SMAD7: variants seen among roughly 807,000 people sequenced by gnomAD.
SMAD7 encodes the protein SMAD family member 7.
A neutral mutation model predicts 38.7 loss-of-function variants in SMAD7; 8 were observed. The ratio of observed to expected loss-of-function variants is 0.21; its 90% CI spans 0.12 to 0.37. SMAD7 has a LOEUF of 0.37. Ranked by LOEUF, SMAD7 falls within the 10% of genes least tolerant of loss-of-function variation. The pLI is 1.00. For synonymous variants in SMAD7, 327 were observed against 265.1 expected (o/e 1.23, Z -2.27); for missense variants, 477 against 577.9 (o/e 0.83, Z 1.79).
rs541539525 is a variant in SMAD7 at position 48,950,496 on chromosome 18, G to T, written c.-72C>A. On this transcript the variant is annotated 5_prime_UTR_variant, in exon 1 of 4. Transcript: ENST00000262158. Reference sequence around the variant, plus strand: ...GAACATGACCTCCGCACACCATGAAGAAGTCGGGCGCCGAGTTGGGGCAGC... The same window carrying T: ...GAACATGACCTCCGCACACCATGAATAAGTCGGGCGCCGAGTTGGGGCAGC... The T allele has an allele frequency of 1.4e-6, 2 of 1,415,534 alleles. No homozygotes were observed. The highest frequency in any genetic ancestry group is 5.7e-5 in the Admixed American group (2 of 35,368). 87.7% of individuals were successfully genotyped at this position (1,415,534 alleles called of 1,614,324 possible).
In SMAD7 at chr18:48,921,979, G is replaced by C; in HGVS notation, c.743-69C>G. The stretch of plus-strand genomic sequence containing the variant: ...GGTGACTCCTAGAATGAAGACACCC[G>C]CCCCCCCACTGCACCCAGTCACCAG... On this transcript the variant is annotated intron_variant, in intron 3 of 3. Transcript: ENST00000262158. This position sits in a 1 kb window ranked among gnomAD's most constrained non-coding sequence, Gnocchi z 6.4. The C allele has an allele frequency of 8.2e-7, 1 of 1,212,796 alleles. No individual in the cohort carries two copies. The highest frequency in any genetic ancestry group is 1.1e-6 in the Non-Finnish European group (1 of 871,974). 75.1% of individuals were successfully genotyped at this position (1,212,796 alleles called of 1,614,324 possible).
intron 3 of SMAD7, among the ~76,000 whole-genome samples, chr18:48,931,921 T>TG (rs1172898448): frequency 6.6e-6 from 1 of 151,990 alleles, no homozygotes. Context: ...GGGGGGAAGG[T>TG]GGGGGGGCTT....
At chr18:48,923,348 C>A (rs72917751) in intron 3 of SMAD7, among the ~76,000 whole-genome samples, 2 of 152,088 alleles carry the variant, frequency 1.3e-5, no homozygotes, top group Non-Finnish European at 2.9e-5. Flanking sequence ...GGGTCCATGG[C>A]GGAAGATGGG....
chr18:48,929,355 G>A (rs956103520), intron 3 of SMAD7, among the ~76,000 whole-genome samples: 3 of 152,008 alleles, frequency 2.0e-5, no homozygotes, highest in Admixed American at 1.3e-4. Context: ...ACAAGGGCTG[G>A]GACAAGCATG....
intron 2 of SMAD7, among the ~76,000 whole-genome samples, chr18:48,944,710 G>A (rs1021833501): frequency 6.6e-6 from 1 of 152,120 alleles, no homozygotes; most frequent in African/African-American, 2.4e-5. Flanking sequence ...AAGGTTAAAG[G>A]AGCCATACCT....
chr18:48,938,145 G>A (rs530031191), intron 3 of SMAD7, among the ~76,000 whole-genome samples: 35 of 152,300 alleles, frequency 2.3e-4, no homozygotes, highest in South Asian at 8.3e-4. Flanking sequence ...TGAGCCAGGG[G>A]TGCATTTTCA....
chr18:48,941,931 G>A (rs997925447), intron 3 of SMAD7, among the ~76,000 whole-genome samples: 3 of 152,182 alleles, frequency 2.0e-5, no homozygotes, highest in Non-Finnish European at 2.9e-5. Context: ...ACTGTTGGCA[G>A]TGCTCCCACC....
At chr18:48,935,849 C>T (rs143535076) in intron 3 of SMAD7, among the ~76,000 whole-genome samples, 120 of 152,100 alleles carry the variant, frequency 7.9e-4, no homozygotes, top group African/African-American at 2.7e-3. Context: ...GAGGCTAAGT[C>T]GGGAGGATCA....
intron 2 of SMAD7, among the ~76,000 whole-genome samples, chr18:48,946,493 G>T (rs1245244527): frequency 2.0e-5 from 3 of 152,022 alleles, no homozygotes. Flanking sequence ...AATTCCCTTC[G>T]TGGGGGCTTT....
chr18:48,942,400 G>C (rs2070150939), intron 3 of SMAD7, 81 bp downstream of exon 3: 1 of 950,508 alleles, frequency 1.1e-6, no homozygotes, highest in Non-Finnish European at 1.6e-6. Context: ...TGGGGTGGCA[G>C]AAGGCCACCC....
rs3809922 is a variant in SMAD7, at chr18:48,921,759, G to T, written c.894C>A (p.Leu298=). 9.1e-5 allele frequency: 147 copies of T among 1,613,990 alleles called. No homozygotes were observed. Among genetic ancestry groups the T allele is most frequent in the Middle Eastern group, 1.6e-4 (1 of 6,084 alleles). ...TCTTGTTGTCCGAATTGAGCTGTCC[G>T]AGGCAAAAGCCATTCCCCTGAGGTA... is the stretch of plus-strand genomic sequence containing the variant. The part of the protein sequence containing the change: ...YDLPQGNGFC[L]GQLNSDNKSQ... Residue 298 remains leucine, a synonymous_variant, in exon 4 of 4, where the codon CTC becomes CTA. Transcript: ENST00000262158. The surrounding 1 kb of genome is among the most constrained non-coding windows in gnomAD (Gnocchi z 6.4).
chr18:48,941,931 G>C (rs997925447), intron 3 of SMAD7, among the ~76,000 whole-genome samples: 1 of 152,182 alleles, frequency 6.6e-6, no homozygotes, highest in African/African-American at 2.4e-5. Flanking sequence ...ACTGTTGGCA[G>C]TGCTCCCACC....
rs551880096 is a variant in SMAD7, at chr18:48,946,431, G to A, written c.667+1953C>T. On this transcript the variant is annotated intron_variant, in intron 2 of 3. Transcript: ENST00000262158. ...CCAGCCCCAGACCTGTGAGGGGGGC[G>A]GGGGGGGTGTGCTCCAGCTCCAGAC... Among the ~76,000 whole-genome samples the A allele has an allele frequency of 4.2e-4, 40 of 95,978 alleles. 1 individual carries two copies. The highest frequency in any genetic ancestry group is 4.4e-3 in the Middle Eastern group (1 of 228). 63.0% of individuals were successfully genotyped at this position (95,978 alleles called of 152,430 possible).
In SMAD7 at chr18:48,921,185, C is replaced by G; in HGVS notation, c.*187G>C. 1.7e-6 allele frequency: 1 copy of G among 580,850 alleles called. No individual in the cohort carries two copies. Among genetic ancestry groups the G allele is most frequent in the Non-Finnish European group, 3.0e-6 (1 of 336,226 alleles). The allele number at this position is 580,850 out of a possible 1,614,324, so 36.0% of individuals were successfully genotyped here. A position where few individuals can be genotyped will look rare whatever the true frequency, so the allele number is the denominator to read the frequency against. On this transcript the variant is annotated 3_prime_UTR_variant, in exon 4 of 4. Coordinates refer to ENST00000262158, the MANE Select transcript of SMAD7 (RefSeq NM_005904.4). The surrounding 1 kb of genome is among the most constrained non-coding windows in gnomAD (Gnocchi z 6.4). ...AACCCCCAACAATTCTTTTCATAAGCTATTTCTCAAAGAGCGAAACAAAAC... is the reference window on the plus strand; with the variant it reads ...AACCCCCAACAATTCTTTTCATAAGGTATTTCTCAAAGAGCGAAACAAAAC...
Position 48,950,501 on chromosome 18 carries a change from C to A in SMAD7, c.-77G>T. 5 of 1,399,054 alleles carry A rather than the reference C, an allele frequency of 3.6e-6. No individual in the cohort carries two copies. The South Asian group carries it at 7.4e-5, about 21-fold the overall frequency. 86.7% of individuals were successfully genotyped at this position (1,399,054 alleles called of 1,614,324 possible). ...TGACCTCCGCACACCATGAAGAAGTCGGGCGCCGAGTTGGGGCAGCAGGCG... is the reference window on the plus strand; with the variant it reads ...TGACCTCCGCACACCATGAAGAAGTAGGGCGCCGAGTTGGGGCAGCAGGCG... On this transcript the variant is annotated 5_prime_UTR_variant, in exon 1 of 4. Transcript: ENST00000262158.
At chr18:48,938,735 C>T (rs1352874705) in intron 3 of SMAD7, among the ~76,000 whole-genome samples, 1 of 152,156 alleles carries the variant, frequency 6.6e-6, no homozygotes, top group African/African-American at 2.4e-5. Context: ...TGATAGCTTC[C>T]AACACATGCT....
intron 2 of SMAD7, among the ~76,000 whole-genome samples, chr18:48,947,318 A>G (rs2070206187): frequency 6.6e-6 from 1 of 152,218 alleles, no homozygotes; most frequent in South Asian, 2.1e-4. Context: ...CACGTTCATT[A>G]AAGTATTTAA....
chr18:48,939,775 A>AAGG (rs1283918845), intron 3 of SMAD7, among the ~76,000 whole-genome samples: 3 of 151,932 alleles, frequency 2.0e-5, no homozygotes, highest in African/African-American at 7.3e-5. Context: ...AGGTTATTTC[A>AAGG]AGGAGGAGGA....
intron 3 of SMAD7, among the ~76,000 whole-genome samples, chr18:48,941,409 G>A (rs951732393): frequency 3.3e-5 from 5 of 152,184 alleles, no homozygotes; most frequent in South Asian, 2.1e-4. Flanking sequence ...GAGGAGAGCC[G>A]GGGAGGGAGC....
Sources: allele counts gnomAD v4.1 joint callset (sites outside exome capture counted in the v4.1 genomes callset), GRCh38; gene constraint gnomAD v4.1.1; non-coding constraint Gnocchi (gnomAD v3.1); transcripts MANE v1.5; gene names NCBI Gene and HGNC (gene_info 2026-07-23, HGNC 2026-07-21).